LAMA3: variants seen among roughly 807,000 people sequenced by gnomAD.
LAMA3 encodes the protein laminin subunit alpha-3.
Under a neutral mutation model 402.0 loss-of-function variants are expected in LAMA3, and 281 were observed. The ratio of observed to expected loss-of-function variants is 0.70; its 90% confidence interval spans 0.63 to 0.77. The LOEUF is 0.77. Ranked by LOEUF, LAMA3 falls within the 30% of genes least tolerant of loss-of-function variation. The probability of loss-of-function intolerance (pLI) is 0.00; values close to 1 mark genes in which losing one functional copy is unlikely to be tolerated. For synonymous variants in LAMA3, 1,431 were observed against 1,558.4 expected (o/e 0.92, Z 1.93); for missense variants, 3,840 against 4,215.5 (o/e 0.91, Z 2.47).
chr18:23,820,783 C>T (rs2144389502), intron 19 of LAMA3, among the ~76,000 whole-genome samples: 1 of 152,206 alleles, frequency 6.6e-6, no homozygotes, highest in East Asian at 1.9e-4. Flanking sequence ...CAGTCTTTTT[C>T]ATTAGCGCAT....
At chr18:23,900,006 C>T (rs182176561) in intron 47 of LAMA3, among the ~76,000 whole-genome samples, 18 of 152,046 alleles carry the variant, frequency 1.2e-4, no homozygotes, top group African/African-American at 3.6e-4. Context: ...ACACATATAT[C>T]GAAGGTAATT....
At chr18:23,857,579 T>C (rs1405788374) in intron 32 of LAMA3, among the ~76,000 whole-genome samples, 2 of 152,248 alleles carry the variant, frequency 1.3e-5, no homozygotes, top group Non-Finnish European at 2.9e-5. Flanking sequence ...GGGGGCCATG[T>C]CCCTTCTTGC....
chr18:23,793,113 G>A (rs367579577), intron 12 of LAMA3, among the ~76,000 whole-genome samples: 3 of 152,186 alleles, frequency 2.0e-5, no homozygotes, highest in African/African-American at 7.2e-5. Context: ...GGGATAAGCA[G>A]GTTTAGGATT....
intron 1 of LAMA3, among the ~76,000 whole-genome samples, chr18:23,695,832 A>G (rs1445622402): frequency 1.5e-5 from 2 of 131,748 alleles, no homozygotes; most frequent in East Asian, 4.1e-4. Flanking sequence ...AAAAAAAAAA[A>G]AAAAGAAATA....
intron 32 of LAMA3, among the ~76,000 whole-genome samples, chr18:23,850,202 A>G: frequency 6.6e-6 from 1 of 152,242 alleles, no homozygotes; most frequent in Non-Finnish European, 1.5e-5. Flanking sequence ...CACAAACTGC[A>G]AAGCTGAAAA....
In LAMA3 at chr18:23,871,643, C is replaced by A. The variant is rs371135283; in HGVS notation, c.4980C>A (p.Tyr1660Ter). Residue 1660 changes from tyrosine to a stop codon, truncating the protein, a stop_gained, in exon 38 of 75, where the codon TAC becomes TAA. Coordinates refer to ENST00000313654, the MANE Select transcript of LAMA3 (RefSeq NM_198129.4). LOFTEE classifies it high-confidence loss of function. ...AAATCTGTGCCTGCCCCCCTGCCTACGCTGGTGACTCTTGTCAGGTAGGAA... is the reference window on the plus strand; with the variant it reads ...AAATCTGTGCCTGCCCCCCTGCCTAAGCTGGTGACTCTTGTCAGGTAGGAA... ...AVEICACPPA[Y>*]AGDSCQGCSP... 1 of 1,608,868 alleles carries A rather than the reference C, an allele frequency of 6.2e-7. No individual in the cohort carries two copies. The highest frequency in any genetic ancestry group is 1.1e-5 in the South Asian group (1 of 90,186).
chr18:23,810,608 C>A, intron 13 of LAMA3, 105 bp downstream of exon 13: 1 of 1,238,424 alleles, frequency 8.1e-7, no homozygotes, highest in Non-Finnish European at 1.2e-6. Flanking sequence ...CCACTGGCCA[C>A]CCCCACATCC....
chr18:23,815,864 T>G (rs1201436726), intron 17 of LAMA3, among the ~76,000 whole-genome samples: 2 of 152,186 alleles, frequency 1.3e-5, no homozygotes, highest in Non-Finnish European at 2.9e-5. Context: ...ATTTAGTAAT[T>G]TTAAAGATAT....
chr18:23,820,183 C>A lies in LAMA3; in HGVS notation c.2304+186C>A, dbSNP rs533545004. Among the ~76,000 whole-genome samples, 10 of 152,256 alleles carry A rather than the reference C, an allele frequency of 6.6e-5. No homozygotes were observed. In the South Asian group the frequency reaches 1.9e-3, roughly 28 times the overall value. On this transcript the variant is annotated intron_variant, in intron 19 of 74. Transcript: ENST00000313654. ...GGTTTGGGGTAGGGCTGTATATTAA[C>A]TGATAAGCATATGTGTGGATTTCAT... is the stretch of plus-strand genomic sequence containing the variant.
chr18:23,930,582 T>C (rs2082133027), intron 64 of LAMA3, among the ~76,000 whole-genome samples: 1 of 152,086 alleles, frequency 6.6e-6, no homozygotes, highest in African/African-American at 2.4e-5. Context: ...ATCCTGTCTC[T>C]ACAAAAAATT....
rs998343766 is a variant in LAMA3 at position 23,872,873 on chromosome 18, T to G, written c.4998+1212T>G. ...AGCGGTGCGCTTACCTGCGGGACTGTTATGTGCGCTCTGGCACAGGCTGAC... is the reference window on the plus strand; with the variant it reads ...AGCGGTGCGCTTACCTGCGGGACTGGTATGTGCGCTCTGGCACAGGCTGAC... On this transcript the variant is annotated intron_variant, in intron 38 of 74. Coordinates refer to ENST00000313654, the MANE Select transcript of LAMA3 (RefSeq NM_198129.4). 46 of 700,884 alleles carry G rather than the reference T, an allele frequency of 6.6e-5. 1 individual carries two copies. Among genetic ancestry groups the G allele is most frequent in the Non-Finnish European group, 1.1e-4 (44 of 407,720 alleles). 43.4% of individuals were successfully genotyped at this position (700,884 alleles called of 1,614,324 possible).
At chr18:23,863,966 T>A (rs1214555738) in intron 35 of LAMA3, among the ~76,000 whole-genome samples, 13 of 152,204 alleles carry the variant, frequency 8.5e-5, no homozygotes, top group Admixed American at 8.5e-4. Flanking sequence ...CCATGGCTAC[T>A]GTACACAGCA....
intron 23 of LAMA3, among the ~76,000 whole-genome samples, chr18:23,832,684 T>C (rs149561121): frequency 6.6e-6 from 1 of 152,130 alleles, no homozygotes; most frequent in Admixed American, 6.5e-5. Flanking sequence ...CCATTATAGG[T>C]TGTAGGGAAA....
intron 9 of LAMA3, among the ~76,000 whole-genome samples, chr18:23,774,218 G>T (rs1400545982): frequency 2.0e-5 from 3 of 152,206 alleles, no homozygotes; most frequent in Admixed American, 2.0e-4. Flanking sequence ...GTGAGACTCT[G>T]TCTCAGAAGC....
rs1371227020 is a variant in LAMA3, at chr18:23,756,371, AT to A, written c.948-2022del. The stretch of plus-strand genomic sequence containing the variant: ...AAACCGAACACTGCACGTCTCTCAT[AT>A]TTAAAAAAAAAAAAAAGCTGTTTGC... On this transcript the variant is annotated intron_variant, in intron 6 of 74. Coordinates refer to ENST00000313654, the MANE Select transcript of LAMA3 (RefSeq NM_198129.4). Among the ~76,000 whole-genome samples the A allele has an allele frequency of 6.2e-3, 926 of 150,488 alleles. 8 individuals carry two copies. Among genetic ancestry groups the A allele is most frequent in the African/African-American group, 0.022 (886 of 40,758 alleles).
rs754367973 is a variant in LAMA3, at chr18:23,912,793, C to T, written c.7241C>T (p.Thr2414Ile). ...PNDLEDLKGY[T>I]SLSLFLQRPN... ...GACCTGGAAGATTTGAAAGGATATA[C>T]ATCTCTGTCCTTGTTTCTCCAAAGG... The change falls in exon 56 of 75, where the codon ACA becomes ATA. Residue 2414 changes from threonine to isoleucine, a missense_variant. Around this residue, in one of 3 missense-constraint regions of LAMA3, gnomAD observed 891 missense variants for 857.5 expected, o/e 1.04. Coordinates refer to ENST00000313654, the MANE Select transcript of LAMA3 (RefSeq NM_198129.4). 2 of 1,613,482 alleles carry T rather than the reference C, an allele frequency of 1.2e-6. No individual in the cohort carries two copies. The highest frequency in any genetic ancestry group is 2.7e-5 in the African/African-American group (2 of 74,934).
chr18:23,709,491 G>T (rs1014384575), intron 1 of LAMA3, among the ~76,000 whole-genome samples: 1 of 151,062 alleles, frequency 6.6e-6, no homozygotes, highest in Admixed American at 6.6e-5. Context: ...AATCCTTCTT[G>T]TTCTTGTCTC....
rs367776527 is a variant in LAMA3 at position 23,954,617 on chromosome 18, C to A, written c.9971C>A (p.Pro3324His). ...ACTGAAGCCTTGGAAGTCCAGGGGC[C>A]TGTCAGTCTGAATGGTTGTCCTGAC... ...PVTEALEVQG[P>H]VSLNGCPDQ Residue 3324 changes from proline to histidine, a missense_variant, in exon 75 of 75, where the codon CCT becomes CAT. Pro to His is a moderately conservative substitution (Grantham distance 77, BLOSUM62 -2). This residue lies in a region of LAMA3 where 840 missense variants were observed against 981.9 expected (regional missense o/e 0.86). Coordinates refer to ENST00000313654, the MANE Select transcript of LAMA3 (RefSeq NM_198129.4). 1.2e-6 allele frequency: 2 copies of A among 1,614,054 alleles called. No individual in the cohort carries two copies. The highest frequency in any genetic ancestry group is 1.7e-6 in the Non-Finnish European group (2 of 1,179,968).
chr18:23,953,153 C>A (rs1262084352), intron 74 of LAMA3, 44 bp downstream of exon 74: 2 of 1,610,754 alleles, frequency 1.2e-6, no homozygotes, highest in African/African-American at 2.7e-5. Flanking sequence ...CCTGTGTCAG[C>A]TCTGAACATT....
Sources: allele counts gnomAD v4.1 joint callset (sites outside exome capture counted in the v4.1 genomes callset), GRCh38; gene constraint gnomAD v4.1.1; regional missense constraint gnomAD v4.1.1; transcripts MANE v1.5; gene names NCBI Gene and HGNC (gene_info 2026-07-23, HGNC 2026-07-21).